The following TMEM236 variants were observed in gnomAD, a reference collection of about 807,000 sequenced individuals.
TMEM236 encodes transmembrane protein 236, also known as family with sequence similarity 23, member A.
A neutral mutation model predicts 14.7 loss-of-function variants in TMEM236; 11 were observed. That is an observed-to-expected ratio of 0.75 (90% confidence interval 0.47 to 1.24). The LOEUF is 1.24. Among genes scored for constraint, TMEM236 ranks in the 50% most tolerant of loss-of-function variants. The pLI is 0.00. For synonymous variants in TMEM236, 182 were observed against 168.6 expected, an observed-to-expected ratio of 1.08 and a Z score of -0.62; for missense variants, 464 against 427.3, an observed-to-expected ratio of 1.09 and a Z score of -0.76.
Position 17,798,707 on chromosome 10 carries a change from G to C in TMEM236, c.*2203G>C. ...CCTTCCAGCTTTCTAATTTGAGGTAGGTTCTATAACCTCTGTGGGTCCCCG... is the reference window on the plus strand; with the variant it reads ...CCTTCCAGCTTTCTAATTTGAGGTACGTTCTATAACCTCTGTGGGTCCCCG... On this transcript the variant is annotated 3_prime_UTR_variant, in exon 4 of 4. Coordinates refer to ENST00000377495, the MANE Select transcript of TMEM236 (RefSeq NM_001098844.3). The C allele has an allele frequency of 1.9e-6, 1 of 534,368 alleles. No individual in the cohort carries two copies. The highest frequency in any genetic ancestry group is 3.8e-6 in the Non-Finnish European group (1 of 259,896). The allele number at this position is 534,368 out of a possible 1,614,324, so 33.1% of individuals were successfully genotyped here.
chr10:17,798,597 CT>C lies in TMEM236; in HGVS notation c.*2095del. 3 of 534,350 alleles carry C rather than the reference CT, an allele frequency of 5.6e-6. No individual in the cohort carries two copies. In the Admixed American group the frequency reaches 5.8e-5, roughly 10 times the overall value. 33.1% of individuals were successfully genotyped at this position (534,350 alleles called of 1,614,324 possible). A position where few individuals can be genotyped will look rare whatever the true frequency, so the allele number is the denominator to read the frequency against. Reference sequence around the variant, plus strand: ...CTACGCTCCACCAAATACCTCTCCCCTTGCCACCCTGTCTCCCTTTCCCTCT... The same window carrying C: ...CTACGCTCCACCAAATACCTCTCCCCTGCCACCCTGTCTCCCTTTCCCTCT... On this transcript the variant is annotated 3_prime_UTR_variant, in exon 4 of 4. Transcript: ENST00000377495.
At chr10:17,781,153 G>A (rs1309110149) in intron 3 of TMEM236, among the ~76,000 whole-genome samples, 6 of 152,128 alleles carry the variant, frequency 3.9e-5, no homozygotes, top group African/African-American at 9.7e-5. Context: ...ACCTGTACAC[G>A]CTTCCAGCTT....
chr10:17,796,473 T>A lies in TMEM236; in HGVS notation c.1025T>A (p.Ile342Asn). Residue 342 changes from isoleucine (I) to asparagine (N), a missense_variant, in exon 4 of 4, where the codon ATT (isoleucine) becomes AAT (asparagine). Physicochemically the swap from Ile to Asn is moderately radical, Grantham distance 149. Transcript: ENST00000377495. ...IYFNYLTRIR[I>N]FSAFEMSPF ...TTCAATTACCTAACCAGAATCAGGA[T>A]TTTTTCTGCCTTTGAAATGTCTCCA... The A allele has an allele frequency of 6.2e-7, 1 of 1,613,586 alleles. No homozygotes were observed. The highest frequency in any genetic ancestry group is 1.1e-5 in the South Asian group (1 of 91,048).
intron 3 of TMEM236, among the ~76,000 whole-genome samples, chr10:17,794,584 C>A (rs1837979316): frequency 6.6e-6 from 1 of 152,114 alleles, no homozygotes; most frequent in Non-Finnish European, 1.5e-5. Context: ...GCATCACGTG[C>A]CCTATTCATT....
At chr10:17,773,479 AG>A (rs1554835000) in intron 2 of TMEM236, among the ~76,000 whole-genome samples, 5 of 152,134 alleles carry the variant, frequency 3.3e-5, no homozygotes, top group Admixed American at 2.6e-4. Context: ...CTGGGATTAC[AG>A]GTGCCCACCA....
intron 3 of TMEM236, among the ~76,000 whole-genome samples, chr10:17,784,114 T>C (rs1837797528): frequency 6.6e-6 from 1 of 152,190 alleles, no homozygotes; most frequent in Non-Finnish European, 1.5e-5. Context: ...GCTATTAGTA[T>C]TTCTGTATGG....
chr10:17,794,903 CT>C (rs1233910372), intron 3 of TMEM236, among the ~76,000 whole-genome samples: 7 of 152,144 alleles, frequency 4.6e-5, no homozygotes, highest in Admixed American at 1.3e-4. Context: ...TGGTGTGCAC[CT>C]GTAATCCCAG....
In TMEM236 at chr10:17,779,203, G is replaced by A. The variant is rs939349569; in HGVS notation, c.472+3033G>A. Among the ~76,000 whole-genome samples, 191 of 152,244 alleles carry A rather than the reference G, an allele frequency of 1.3e-3. 1 individual carries two copies. Among genetic ancestry groups the A allele is most frequent in the African/African-American group, 4.4e-3 (184 of 41,542 alleles). On this transcript the variant is annotated intron_variant, in intron 3 of 3. Transcript: ENST00000377495. The stretch of plus-strand genomic sequence containing the variant: ...CTCATTTAGCATTGCAACCATACCT[G>A]TTTCTAGGACATTACCATTTTTACG...
intron 2 of TMEM236, among the ~76,000 whole-genome samples, chr10:17,775,821 A>T (rs901029726): frequency 6.6e-6 from 1 of 152,226 alleles, no homozygotes; most frequent in Non-Finnish European, 1.5e-5. Flanking sequence ...AACTGAAAAT[A>T]TGCTTCCATT....
chr10:17,758,789 G>A (rs963754567), intron 1 of TMEM236, among the ~76,000 whole-genome samples: 6 of 152,196 alleles, frequency 3.9e-5, no homozygotes, highest in Non-Finnish European at 8.8e-5. Flanking sequence ...GGAGAATTTT[G>A]TAGGTTTCTT....
At chr10:17,794,230 C>T (rs899462560) in intron 3 of TMEM236, among the ~76,000 whole-genome samples, 257 of 152,160 alleles carry the variant, frequency 1.7e-3, no homozygotes, top group Non-Finnish European at 2.2e-3. Context: ...CAGTTCCACG[C>T]GCTTCAACAA....
intron 2 of TMEM236, among the ~76,000 whole-genome samples, chr10:17,772,894 G>A (rs938086760): frequency 6.0e-4 from 91 of 151,954 alleles, no homozygotes; most frequent in African/African-American, 2.1e-3. Context: ...GATACTGCAG[G>A]CTAGTTTGTC....
intron 1 of TMEM236, among the ~76,000 whole-genome samples, chr10:17,756,886 G>C (rs1397712117): frequency 1.3e-5 from 2 of 152,182 alleles, no homozygotes; most frequent in Non-Finnish European, 2.9e-5. Context: ...TGTCTGTTCA[G>C]ATTTCATGTT....
At chr10:17,759,545 G>GATC (rs1837326301) in intron 1 of TMEM236, among the ~76,000 whole-genome samples, 1 of 152,154 alleles carries the variant, frequency 6.6e-6, no homozygotes, top group Admixed American at 6.5e-5. Flanking sequence ...CGGTGGTGGT[G>GATC]ATCATAGTAG....
Position 17,800,865 on chromosome 10 carries a change from C to A in TMEM236, c.*4361C>A, listed in dbSNP as rs1471432297. ...TGTTAATTAAAATTCTATGTTTAAA[C>A]AAATCTCTTGTGATGGCTGTTTCAT... On this transcript the variant is annotated 3_prime_UTR_variant, in exon 4 of 4. Coordinates refer to ENST00000377495, the MANE Select transcript of TMEM236 (RefSeq NM_001098844.3). 2 of 152,130 alleles carry A rather than the reference C, an allele frequency of 1.3e-5. No individual in the cohort carries two copies. The highest frequency in any genetic ancestry group is 4.8e-5 in the African/African-American group (2 of 41,420). The allele number at this position is 152,130 out of a possible 1,614,324, so 9.4% of individuals were successfully genotyped here.
rs1052248618 is a variant in TMEM236 at position 17,788,798 on chromosome 10, T to A, written c.473-7123T>A. On this transcript the variant is annotated intron_variant, in intron 3 of 3. Coordinates refer to ENST00000377495, the MANE Select transcript of TMEM236 (RefSeq NM_001098844.3). ...ATTTACTGGACAACAATCTCATGCT[T>A]TCTGTAAAGAAAGTTGCCGCAACTA... Among the ~76,000 whole-genome samples, 5 of 152,198 alleles carry A rather than the reference T, an allele frequency of 3.3e-5. No individual in the cohort carries two copies. The East Asian group carries it at 9.6e-4, about 29-fold the overall frequency.
intron 3 of TMEM236, among the ~76,000 whole-genome samples, chr10:17,793,095 C>A (rs1038655200): frequency 1.3e-5 from 2 of 152,312 alleles, no homozygotes; most frequent in African/African-American, 4.8e-5. Flanking sequence ...AGTCCCTGTA[C>A]CCCCTAATTT....
Position 17,796,275 on chromosome 10 carries a change from C to A in TMEM236, c.827C>A (p.Ser276Tyr). 1.2e-6 allele frequency: 2 copies of A among 1,613,910 alleles called. No homozygotes were observed. The highest frequency in any genetic ancestry group is 1.7e-6 in the Non-Finnish European group (2 of 1,179,856). Residue 276 changes from serine to tyrosine, a missense_variant, in exon 4 of 4, where the codon TCT (serine) becomes TAT (tyrosine). Transcript: ENST00000377495. ...CCAGTCTACATATTCAGTTTTATTT[C>A]TCTCCTTCGAATTACATTCACTCCC... ...LYPVYIFSFISLLRITFTPQN... is the reference protein window; with the variant it reads ...LYPVYIFSFIYLLRITFTPQN...
chr10:17,780,684 T>C, intron 3 of TMEM236, among the ~76,000 whole-genome samples: 1 of 152,072 alleles, frequency 6.6e-6, no homozygotes, highest in African/African-American at 2.4e-5. Context: ...AATGAAGCAG[T>C]GTTGTTGTCT....
Sources: gnomAD v4.1 joint callset for allele counts (sites outside exome capture counted in the v4.1 genomes callset) on GRCh38, gnomAD v4.1.1 for gene constraint, MANE v1.5 for transcripts, NCBI Gene and HGNC (gene_info 2026-07-23, HGNC 2026-07-21) for gene names.